RAP1GAP2: variants seen among roughly 807,000 people sequenced by gnomAD.
RAP1GAP2 encodes the protein rap1 GTPase-activating protein 2.
RAP1GAP2 carries 27 observed loss-of-function variants against 95.0 expected under a neutral mutation model. The observed-to-expected ratio is 0.28, with a 90% confidence interval of 0.21 to 0.39. The LOEUF (loss-of-function observed/expected upper bound fraction) is 0.39. RAP1GAP2 is among the 10% of genes least tolerant of loss of function. The probability of loss-of-function intolerance (pLI) is 1.00; values close to 1 mark genes in which losing one functional copy is unlikely to be tolerated. For synonymous variants in RAP1GAP2, 373 were observed against 380.9 expected, an observed-to-expected ratio of 0.98 and a Z score of 0.24; for missense variants, 771 against 970.0, an observed-to-expected ratio of 0.79 and a Z score of 2.72.
intron 11 of RAP1GAP2, among the ~76,000 whole-genome samples, chr17:2,990,058 A>G (rs1445178669): frequency 2.0e-5 from 3 of 152,218 alleles, no homozygotes; most frequent in Admixed American, 2.0e-4. Context: ...AGGTCGTAGT[A>G]TGTATCAGCA....
chr17:2,790,301 G>A (rs561222695), intron 1 of RAP1GAP2, among the ~76,000 whole-genome samples: 1 of 151,972 alleles, frequency 6.6e-6, no homozygotes, highest in Non-Finnish European at 1.5e-5. Context: ...TAGTAGAGAC[G>A]GGGTTTCTCC....
intron 3 of RAP1GAP2, among the ~76,000 whole-genome samples, chr17:2,943,273 A>G (rs977524229): frequency 2.0e-5 from 3 of 152,182 alleles, no homozygotes; most frequent in Non-Finnish European, 4.4e-5. Flanking sequence ...CAGCCTACAG[A>G]ATGGGAGGAA....
chr17:2,771,842 A>T (rs1790422303), intron 2 of RAP1GAP2, among the ~76,000 whole-genome samples: 1 of 152,142 alleles, frequency 6.6e-6, no homozygotes, highest in South Asian at 2.1e-4. Context: ...GGACTTGAAG[A>T]AGAGTCTGCC....
At chr17:2,907,843 T>C (rs2042248346) in intron 3 of RAP1GAP2, among the ~76,000 whole-genome samples, 1 of 152,116 alleles carries the variant, frequency 6.6e-6, no homozygotes, top group Admixed American at 6.5e-5. Context: ...AGCCTTGCTC[T>C]GTCGCCGAGC....
chr17:2,987,437 C>T (rs2045592240), intron 11 of RAP1GAP2, among the ~76,000 whole-genome samples: 2 of 150,626 alleles, frequency 1.3e-5, no homozygotes, highest in South Asian at 4.3e-4. Flanking sequence ...GATCTCGGCT[C>T]ATTGCAACCT....
At chr17:2,758,250 ACTGCAACCTGTGCCTC>A (rs2071185813) in intron 1 of RAP1GAP2, among the ~76,000 whole-genome samples, 1 of 130,922 alleles carries the variant, frequency 7.6e-6, no homozygotes, top group Admixed American at 8.7e-5. Flanking sequence ...ATCTTGGCTT[ACTGCAACCTGTGCCTC>A]CTGGGTTCAA....
intron 2 of RAP1GAP2, among the ~76,000 whole-genome samples, chr17:2,849,327 G>A (rs2071725730): frequency 6.6e-6 from 1 of 152,184 alleles, no homozygotes; most frequent in Non-Finnish European, 1.5e-5. Flanking sequence ...ATTCTGCCCA[G>A]CAGTGGGGCG....
intron 3 of RAP1GAP2, among the ~76,000 whole-genome samples, chr17:2,956,402 C>T (rs372160124): frequency 2.0e-5 from 3 of 152,336 alleles, no homozygotes; most frequent in African/African-American, 7.2e-5. Context: ...AGGGACTTCA[C>T]CAGGCTCCTT....
At chr17:2,890,554 G>T (rs1004278721) in intron 2 of RAP1GAP2, among the ~76,000 whole-genome samples, 3 of 152,128 alleles carry the variant, frequency 2.0e-5, no homozygotes, top group Non-Finnish European at 4.4e-5. Context: ...CCTCTGTGCT[G>T]GGCACTGTGA....
chr17:2,923,581 G>A (rs1251610835), intron 3 of RAP1GAP2, among the ~76,000 whole-genome samples: 1 of 151,850 alleles, frequency 6.6e-6, no homozygotes, highest in Admixed American at 6.6e-5. Context: ...TGATCCACCT[G>A]CCTCAGCCTC....
chr17:2,998,467 A>C, intron 14 of RAP1GAP2, 91 bp downstream of exon 14: 9 of 1,422,882 alleles, frequency 6.3e-6, no homozygotes, highest in Non-Finnish European at 8.7e-6. Flanking sequence ...AGTCCTCAGC[A>C]GTCAGAGATT....
At chr17:2,856,358 T>C (rs1304191755) in intron 2 of RAP1GAP2, among the ~76,000 whole-genome samples, 1 of 152,198 alleles carries the variant, frequency 6.6e-6, no homozygotes, top group Non-Finnish European at 1.5e-5. Context: ...GTAGATTTCA[T>C]CTCTGGGAAC....
intron 3 of RAP1GAP2, among the ~76,000 whole-genome samples, chr17:2,936,616 T>C (rs2043319356): frequency 6.6e-6 from 1 of 152,012 alleles, no homozygotes; most frequent in South Asian, 2.1e-4. Context: ...TGCCCCAAAA[T>C]GGATGATCAT....
intron 2 of RAP1GAP2, among the ~76,000 whole-genome samples, chr17:2,821,782 C>T (rs569179775): frequency 6.6e-6 from 1 of 152,216 alleles, no homozygotes; most frequent in South Asian, 2.1e-4. Flanking sequence ...CTGGTGGCTA[C>T]CATAGGGAAC....
At chr17:2,808,631 G>A (rs950023286) in intron 2 of RAP1GAP2, among the ~76,000 whole-genome samples, 7 of 152,150 alleles carry the variant, frequency 4.6e-5, no homozygotes, top group African/African-American at 1.2e-4. Flanking sequence ...AGCACTGGCC[G>A]GTGTGGCCGC....
intron 2 of RAP1GAP2, among the ~76,000 whole-genome samples, chr17:2,839,591 C>T (rs903952745): frequency 2.0e-5 from 3 of 152,080 alleles, no homozygotes; most frequent in Non-Finnish European, 4.4e-5. Flanking sequence ...GTTCCAGGAA[C>T]CACATTACAT....
chr17:2,767,899 AT>A (rs780661032), intron 1 of RAP1GAP2, among the ~76,000 whole-genome samples: 17 of 151,860 alleles, frequency 1.1e-4, no homozygotes, highest in Non-Finnish European at 2.2e-4. Flanking sequence ...CGCCCAGCTA[AT>A]TTCTTTTGTA....
At chr17:2,995,566 T>G in intron 13 of RAP1GAP2, 100 bp downstream of exon 13, 3 of 1,473,504 alleles carry the variant, frequency 2.0e-6, no homozygotes, top group East Asian at 2.4e-5. Context: ...CCCATATTCG[T>G]TCCCGTAGCC....
At chr17:3,031,902 A>G (rs945146011) in intron 23 of RAP1GAP2, among the ~76,000 whole-genome samples, 2 of 110,380 alleles carry the variant, frequency 1.8e-5, no homozygotes, top group Admixed American at 9.0e-5. Flanking sequence ...TGGGTCCCGA[A>G]TCCCTTCCTG....
Sources: gnomAD v4.1 joint callset for allele counts (sites outside exome capture counted in the v4.1 genomes callset) on GRCh38, gnomAD v4.1.1 for gene constraint, MANE v1.5 for transcripts, NCBI Gene and HGNC (gene_info 2026-07-23, HGNC 2026-07-21) for gene names.